The following CYP39A1 variants were observed in gnomAD, a reference collection of about 807,000 sequenced individuals.
The protein encoded by CYP39A1 is cytochrome P450 family 39 subfamily A member 1.
Under a neutral mutation model 58.1 loss-of-function variants are expected in CYP39A1, and 49 were observed. The observed-to-expected ratio is 0.84, with a 90% CI of 0.67 to 1.07. The LOEUF (loss-of-function observed/expected upper bound fraction) is 1.07, where lower values mean the gene tolerates loss of function less well. CYP39A1 is among the 50% of genes least tolerant of loss of function. The probability of loss-of-function intolerance (pLI) is 0.00; values close to 1 mark genes in which losing one functional copy is unlikely to be tolerated. For missense variants in CYP39A1, 531 were observed against 539.4 expected (o/e 0.98, Z 0.16); for synonymous variants, 209 against 187.6 (o/e 1.11, Z -0.93).
intron 7 of CYP39A1, among the ~76,000 whole-genome samples, chr6:46,606,904 T>C (rs147379690): frequency 1.8e-4 from 28 of 152,316 alleles, no homozygotes; most frequent in South Asian, 4.1e-4. Context: ...AGCCTAAGCA[T>C]AGGTGCTATA....
chr6:46,639,971 C>T (rs666240), intron 2 of CYP39A1, among the ~76,000 whole-genome samples: 116,056 of 152,062 alleles, frequency 0.76, 44,432 homozygotes, highest in Admixed American at 0.82. Context: ...GAAAATTAGC[C>T]GGCTGTGGCG....
intron 10 of CYP39A1, among the ~76,000 whole-genome samples, chr6:46,571,643 T>A (rs922023612): frequency 1.3e-5 from 2 of 151,816 alleles, no homozygotes; most frequent in South Asian, 2.1e-4. Flanking sequence ...AATATATAGC[T>A]GGGTATTGTT....
At chr6:46,610,982 T>G (rs1210615950) in intron 7 of CYP39A1, among the ~76,000 whole-genome samples, 1 of 152,198 alleles carries the variant, frequency 6.6e-6, no homozygotes, top group African/African-American at 2.4e-5. Flanking sequence ...AAAGTATCTG[T>G]GGTGAATACA....
intron 7 of CYP39A1, among the ~76,000 whole-genome samples, chr6:46,616,119 CT>C (rs1427307785): frequency 0.036 from 1,649 of 45,258 alleles, 191 homozygotes; most frequent in Middle Eastern, 0.088. Context: ...CTTTCTCTTT[CT>C]TTTCTTTCTT....
At chr6:46,579,005 T>C (rs1438147450) in intron 10 of CYP39A1, among the ~76,000 whole-genome samples, 1 of 151,764 alleles carries the variant, frequency 6.6e-6, no homozygotes, top group Non-Finnish European at 1.5e-5. Context: ...GCAGAGACAA[T>C]GAAAAAAGAA....
At chr6:46,637,404 T>C (rs1487680795) in intron 4 of CYP39A1, among the ~76,000 whole-genome samples, 2 of 152,254 alleles carry the variant, frequency 1.3e-5, no homozygotes, top group East Asian at 3.8e-4. Context: ...TGCCTCATTT[T>C]ACAAACATTT....
chr6:46,584,545 C>T (rs932359863), intron 10 of CYP39A1, among the ~76,000 whole-genome samples: 1 of 152,122 alleles, frequency 6.6e-6, no homozygotes, highest in African/African-American at 2.4e-5. Context: ...ACCATATAAC[C>T]TAAGTCATGC....
intron 4 of CYP39A1, among the ~76,000 whole-genome samples, chr6:46,636,940 A>G (rs1392076469): frequency 1.3e-5 from 2 of 152,142 alleles, no homozygotes; most frequent in Admixed American, 6.5e-5. Context: ...TGTCTCTCCC[A>G]AATCTTTATA....
intron 10 of CYP39A1, among the ~76,000 whole-genome samples, chr6:46,556,117 A>G (rs1770652307): frequency 1.3e-5 from 2 of 152,240 alleles, no homozygotes; most frequent in Non-Finnish European, 2.9e-5. Context: ...TGGCCATGAT[A>G]AAGTAACAAA....
At chr6:46,587,010 G>T (rs918878735) in intron 10 of CYP39A1, 67 bp downstream of exon 10, 2 of 1,074,834 alleles carry the variant, frequency 1.9e-6, no homozygotes, top group African/African-American at 1.6e-5. Context: ...AGCCAAAGTT[G>T]TTCCCCTCTG....
chr6:46,551,521 C>T (rs1371535247), intron 11 of CYP39A1, among the ~76,000 whole-genome samples: 1 of 152,190 alleles, frequency 6.6e-6, no homozygotes, highest in Non-Finnish European at 1.5e-5. Flanking sequence ...GCTGCCTGAC[C>T]ACAGATCCTT....
intron 10 of CYP39A1, among the ~76,000 whole-genome samples, chr6:46,580,839 T>C (rs200151885): frequency 6.6e-6 from 1 of 151,984 alleles, no homozygotes; most frequent in Non-Finnish European, 1.5e-5. Context: ...CATTAAAAAG[T>C]CAAAAAATAA....
rs189318601 is a variant in CYP39A1, at chr6:46,637,912, T to G, written c.555A>C (p.Lys185Asn). Reference sequence around the variant, plus strand: ...AATACTGATGGAACTCCTTGATTTTTTTCTTGTTTGTGGAAAACAAACTTT... The same window carrying G: ...AATACTGATGGAACTCCTTGATTTTGTTCTTGTTTGTGGAAAACAAACTTT... ...FNKSLFSTNK[K>N]KIKEFHQYFQ... The change falls in exon 4 of 12, where the codon AAA (lysine) becomes AAC (asparagine). Residue 185 changes from lysine to asparagine, a missense_variant. Physicochemically the swap from Lys to Asn is moderately conservative, Grantham distance 94 (BLOSUM62 0). Coordinates refer to ENST00000275016, the MANE Select transcript of CYP39A1 (RefSeq NM_016593.5). 5 of 1,613,264 alleles carry G rather than the reference T, an allele frequency of 3.1e-6. No homozygotes were observed. The highest frequency in any genetic ancestry group is 3.4e-6 in the Non-Finnish European group (4 of 1,179,826).
intron 10 of CYP39A1, among the ~76,000 whole-genome samples, chr6:46,571,662 C>CT (rs796942499): frequency 0.011 from 1,626 of 143,252 alleles, 30 homozygotes; most frequent in African/African-American, 0.037. Flanking sequence ...TTTTTGTTTG[C>CT]TTTTTTTTTT....
chr6:46,609,912 A>G (rs1298996022), intron 7 of CYP39A1, among the ~76,000 whole-genome samples: 1 of 152,216 alleles, frequency 6.6e-6, no homozygotes, highest in Non-Finnish European at 1.5e-5. Flanking sequence ...TAAAATATCT[A>G]TGGGAAAGAT....
chr6:46,643,184 T>G (rs1389754089), intron 1 of CYP39A1, among the ~76,000 whole-genome samples: 1 of 152,202 alleles, frequency 6.6e-6, no homozygotes, highest in Non-Finnish European at 1.5e-5. Flanking sequence ...TATTGGCGTC[T>G]AAGTATAATT....
intron 10 of CYP39A1, among the ~76,000 whole-genome samples, chr6:46,560,162 A>G (rs530580578): frequency 1.3e-5 from 2 of 152,306 alleles, no homozygotes; most frequent in East Asian, 3.9e-4. Context: ...ATGAGAAATG[A>G]TGAGAAGGCT....
chr6:46,632,436 T>C (rs568689093), intron 5 of CYP39A1, among the ~76,000 whole-genome samples: 1 of 152,112 alleles, frequency 6.6e-6, no homozygotes, highest in African/African-American at 2.4e-5. Context: ...AACCCTCTCT[T>C]CATGACCTTC....
At chr6:46,560,740 T>C (rs536445280) in intron 10 of CYP39A1, among the ~76,000 whole-genome samples, 1 of 151,924 alleles carries the variant, frequency 6.6e-6, no homozygotes, top group South Asian at 2.1e-4. Flanking sequence ...CATGGGGCAG[T>C]ATGAGATCAC....
Sources: gnomAD v4.1 joint callset for allele counts (sites outside exome capture counted in the v4.1 genomes callset) on GRCh38, gnomAD v4.1.1 for gene constraint, MANE v1.5 for transcripts, NCBI Gene and HGNC (gene_info 2026-07-23, HGNC 2026-07-21) for gene names.